The following YWHAQ variants were observed in gnomAD, a reference collection of about 807,000 sequenced individuals.
YWHAQ encodes 14-3-3 protein theta.
Under a neutral mutation model 28.3 loss-of-function variants are expected in YWHAQ, and 6 were observed. That is an observed-to-expected ratio of 0.21 (90% CI 0.12 to 0.42). The LOEUF is 0.42. Among genes scored for constraint, YWHAQ ranks in the 10% least tolerant of loss-of-function variants. The pLI is 1.00. For missense variants in YWHAQ, 201 were observed against 305.6 expected, an observed-to-expected ratio of 0.66 and a Z score of 2.55; for synonymous variants, 143 against 119.1, an observed-to-expected ratio of 1.20 and a Z score of -1.31.
intron 2 of YWHAQ, among the ~76,000 whole-genome samples, chr2:9,628,523 C>T (rs1038307551): frequency 9.2e-5 from 14 of 152,204 alleles, no homozygotes; most frequent in Admixed American, 2.0e-4. Context: ...TTCTGAATTG[C>T]TTCAAGGTAA....
chr2:9,611,650 C>T (rs989924493), intron 2 of YWHAQ, among the ~76,000 whole-genome samples: 2 of 152,110 alleles, frequency 1.3e-5, no homozygotes, highest in Non-Finnish European at 2.9e-5. Context: ...ATATGTATAT[C>T]TACTAGATCC....
chr2:9,616,838 G>A (rs1468210612), intron 2 of YWHAQ, among the ~76,000 whole-genome samples: 1 of 152,184 alleles, frequency 6.6e-6, no homozygotes, highest in African/African-American at 2.4e-5. Context: ...ATATACACAA[G>A]AGAAATGAAA....
intron 2 of YWHAQ, among the ~76,000 whole-genome samples, chr2:9,616,216 T>A (rs2125071449): frequency 6.6e-6 from 1 of 152,268 alleles, no homozygotes; most frequent in African/African-American, 2.4e-5. Context: ...CAAGGATAAA[T>A]GAATTGTTAT....
At chr2:9,610,819 T>A (rs1054214980) in intron 2 of YWHAQ, among the ~76,000 whole-genome samples, 2 of 152,140 alleles carry the variant, frequency 1.3e-5, no homozygotes, top group Non-Finnish European at 2.9e-5. Flanking sequence ...ACTCATTTTT[T>A]AAAAATTAAA....
At chr2:9,605,028 G>C (rs1303928149) in intron 2 of YWHAQ, among the ~76,000 whole-genome samples, 1 of 152,008 alleles carries the variant, frequency 6.6e-6, no homozygotes, top group Admixed American at 6.6e-5. Flanking sequence ...ATACTACTTT[G>C]AAATGATATG....
chr2:9,599,967 A>C (rs1666655285), intron 2 of YWHAQ, among the ~76,000 whole-genome samples: 1 of 152,224 alleles, frequency 6.6e-6, no homozygotes, highest in Non-Finnish European at 1.5e-5. Flanking sequence ...GATGCCATTA[A>C]GAAGATTTGT....
At chr2:9,587,739 C>A (rs1455178567) in intron 4 of YWHAQ, among the ~76,000 whole-genome samples, 1 of 152,194 alleles carries the variant, frequency 6.6e-6, no homozygotes, top group Non-Finnish European at 1.5e-5. Context: ...TTTCACAGGA[C>A]AACGGAACAG....
At chr2:9,620,785 G>A in intron 2 of YWHAQ, 1 of 152,230 alleles carries the variant, frequency 6.6e-6, no homozygotes, top group African/African-American at 2.4e-5. Context: ...GGGGTGCAGG[G>A]GCAGAGAAAT....
intron 2 of YWHAQ, among the ~76,000 whole-genome samples, chr2:9,597,647 A>AAC (rs1222751343): frequency 1.3e-5 from 2 of 151,316 alleles, no homozygotes; most frequent in Non-Finnish European, 2.9e-5. Context: ...AAAAAAAAAA[A>AAC]AAAAAAGAAA....
intron 2 of YWHAQ, among the ~76,000 whole-genome samples, chr2:9,602,886 T>A (rs1157591870): frequency 2.1e-5 from 2 of 94,056 alleles, no homozygotes; most frequent in South Asian, 4.2e-4. Flanking sequence ...TATATATATA[T>A]ATATATATAT....
chr2:9,591,661 TTC>T (rs1245195565), intron 2 of YWHAQ, 146 bp from the exon 3 acceptor site: 3 of 1,077,610 alleles, frequency 2.8e-6, no homozygotes, highest in East Asian at 5.3e-5. Flanking sequence ...TTGAAGCATG[TTC>T]TTAGAGCAGG....
rs77486054 is a variant in YWHAQ at position 9,605,999 on chromosome 2, A to G, written c.295-14484T>C. On this transcript the variant is annotated intron_variant, in intron 2 of 5. Transcript: ENST00000238081. ...CGCTCTGAGATAATTCCATGTCCATATATTTAATAGCTGCCTCATTCTATA... is the reference window on the plus strand; with the variant it reads ...CGCTCTGAGATAATTCCATGTCCATGTATTTAATAGCTGCCTCATTCTATA... 7.6e-4 allele frequency among the ~76,000 whole-genome samples: 115 copies of G among 152,280 alleles called. 1 individual carries two copies. In the East Asian group the frequency reaches 0.018, roughly 24 times the overall value.
chr2:9,614,168 G>A (rs1445238462), intron 2 of YWHAQ, among the ~76,000 whole-genome samples: 1 of 152,138 alleles, frequency 6.6e-6, no homozygotes, highest in African/African-American at 2.4e-5. Flanking sequence ...AAGATTCCCA[G>A]GATATTCAGG....
intron 2 of YWHAQ, among the ~76,000 whole-genome samples, chr2:9,610,338 G>A (rs373757380): frequency 6.6e-6 from 1 of 152,106 alleles, no homozygotes; most frequent in Non-Finnish European, 1.5e-5. Flanking sequence ...AACAGTTACT[G>A]ACAGTTCTTA....
At chr2:9,609,723 A>C (rs1008271167) in intron 2 of YWHAQ, among the ~76,000 whole-genome samples, 17 of 152,254 alleles carry the variant, frequency 1.1e-4, no homozygotes, top group African/African-American at 4.1e-4. Context: ...ATCAGAAAAC[A>C]ATCAAGTAAG....
intron 5 of YWHAQ, among the ~76,000 whole-genome samples, chr2:9,587,049 T>C (rs181895915): frequency 1.3e-3 from 192 of 152,336 alleles, no homozygotes; most frequent in African/African-American, 4.3e-3. Flanking sequence ...AACAAGGTAC[T>C]TCCTGTGATT....
Position 9,607,515 on chromosome 2 carries a change from T to C in YWHAQ, c.295-16000A>G, listed in dbSNP as rs537656342. On this transcript the variant is annotated intron_variant, in intron 2 of 5. Coordinates refer to ENST00000238081, the MANE Select transcript of YWHAQ (RefSeq NM_006826.4). ...AGCCATCGTACCTGGCATTTTTCTA[T>C]TACATTAAATCAGATAAAACAGTAC... 5.9e-5 allele frequency among the ~76,000 whole-genome samples: 9 copies of C among 151,728 alleles called. No individual in the cohort carries two copies. In the South Asian group the frequency reaches 1.7e-3, roughly 28 times the overall value.
intron 2 of YWHAQ, among the ~76,000 whole-genome samples, chr2:9,608,471 C>T (rs1378434674): frequency 6.6e-6 from 1 of 152,150 alleles, no homozygotes; most frequent in Non-Finnish European, 1.5e-5. Context: ...CTATGTTCTT[C>T]TGTGCAGGTG....
At chr2:9,600,780 T>G (rs1666677517) in intron 2 of YWHAQ, among the ~76,000 whole-genome samples, 3 of 152,132 alleles carry the variant, frequency 2.0e-5, no homozygotes, top group Admixed American at 2.0e-4. Flanking sequence ...ACTTCACTGT[T>G]GTCTTATTTT....
Sources: gnomAD v4.1 joint callset for allele counts (sites outside exome capture counted in the v4.1 genomes callset) on GRCh38, gnomAD v4.1.1 for gene constraint, MANE v1.5 for transcripts, NCBI Gene and HGNC (gene_info 2026-07-23, HGNC 2026-07-21) for gene names.